The following XYLT1 variants were observed in gnomAD, a reference collection of about 807,000 sequenced individuals.
The protein encoded by XYLT1 is beta-D-xylosyltransferase 1.
Under a neutral mutation model 91.3 loss-of-function variants are expected in XYLT1, and 36 were observed. The observed-to-expected ratio is 0.39, with a 90% CI of 0.30 to 0.52. The LOEUF is 0.52. Ranked by LOEUF, XYLT1 falls within the 20% of genes least tolerant of loss-of-function variation. XYLT1 has a pLI of 0.68. For missense variants in XYLT1, 1,242 were observed against 1,284.5 expected, an observed-to-expected ratio of 0.97 and a Z score of 0.51; for synonymous variants, 588 against 532.0, an observed-to-expected ratio of 1.11 and a Z score of -1.45.
intron 5 of XYLT1, among the ~76,000 whole-genome samples, chr16:17,185,557 C>T (rs572290193): frequency 6.4e-4 from 98 of 152,196 alleles, no homozygotes; most frequent in Admixed American, 2.0e-3. Flanking sequence ...TGCTTTCCCA[C>T]GAAGTACTGA....
At chr16:17,308,562 G>A (rs1247752427) in intron 2 of XYLT1, among the ~76,000 whole-genome samples, 3 of 152,098 alleles carry the variant, frequency 2.0e-5, no homozygotes, top group East Asian at 3.9e-4. Flanking sequence ...GTTCAAAGAC[G>A]GAAACTGTAT....
At chr16:17,211,051 G>T (rs1335694033) in intron 3 of XYLT1, among the ~76,000 whole-genome samples, 1 of 152,134 alleles carries the variant, frequency 6.6e-6, no homozygotes. Context: ...TCCACTTATG[G>T]CCATGATGCA....
chr16:17,419,995 C>T (rs2036231734), intron 1 of XYLT1, among the ~76,000 whole-genome samples: 1 of 152,192 alleles, frequency 6.6e-6, no homozygotes, highest in Admixed American at 6.5e-5. Flanking sequence ...GAGTAATCCA[C>T]TCATTACTGT....
At chr16:17,263,296 G>A (rs2033750709) in intron 2 of XYLT1, among the ~76,000 whole-genome samples, 1 of 152,080 alleles carries the variant, frequency 6.6e-6, no homozygotes, top group Non-Finnish European at 1.5e-5. Flanking sequence ...CACGGCCAAT[G>A]AAGCTAATCT....
At chr16:17,399,463 C>T (rs2035935648) in intron 1 of XYLT1, among the ~76,000 whole-genome samples, 1 of 152,178 alleles carries the variant, frequency 6.6e-6, no homozygotes, top group South Asian at 2.1e-4. Flanking sequence ...CTGTGGAAAA[C>T]AGAAAACTCA....
At chr16:17,244,418 T>C (rs1161956255) in intron 3 of XYLT1, among the ~76,000 whole-genome samples, 1 of 152,220 alleles carries the variant, frequency 6.6e-6, no homozygotes, top group African/African-American at 2.4e-5. Flanking sequence ...GAATGCAGGA[T>C]GGAAGATGAG....
intron 1 of XYLT1, among the ~76,000 whole-genome samples, chr16:17,367,137 G>C (rs892874805): frequency 1.3e-5 from 2 of 152,204 alleles, no homozygotes; most frequent in Non-Finnish European, 2.9e-5. Context: ...CCAGAGCCCG[G>C]CTCAGTCCTG....
At chr16:17,216,459 C>G (rs1000174554) in intron 3 of XYLT1, among the ~76,000 whole-genome samples, 1 of 152,180 alleles carries the variant, frequency 6.6e-6, no homozygotes, top group Admixed American at 6.5e-5. Flanking sequence ...ATTAACGCTG[C>G]CTCCTGATCA....
chr16:17,152,470 T>G (rs550497388), intron 6 of XYLT1, among the ~76,000 whole-genome samples: 1 of 152,386 alleles, frequency 6.6e-6, no homozygotes, highest in East Asian at 1.9e-4. Flanking sequence ...ATGATCTCCT[T>G]GCATCAGTCA....
intron 2 of XYLT1, among the ~76,000 whole-genome samples, chr16:17,294,087 G>A (rs2034273750): frequency 6.6e-6 from 1 of 152,304 alleles, no homozygotes; most frequent in South Asian, 2.1e-4. Flanking sequence ...TGCCCTGGGC[G>A]ACTGTGCTGA....
chr16:17,464,829 A>C (rs895108339), intron 1 of XYLT1, among the ~76,000 whole-genome samples: 1 of 152,082 alleles, frequency 6.6e-6, no homozygotes, highest in Non-Finnish European at 1.5e-5. Context: ...AGGAATCTGC[A>C]ACAAGAAGTG....
At position 17,257,863 on chromosome 16, in the gene XYLT1, C is replaced by T. The variant is rs759122490; in HGVS notation, c.913+1125G>A. Among the ~76,000 whole-genome samples the T allele has an allele frequency of 4.6e-5, 7 of 152,298 alleles. No homozygotes were observed. The South Asian group carries it at 1.5e-3, about 32-fold the overall frequency. On this transcript the variant is annotated intron_variant, in intron 3 of 11. Coordinates refer to ENST00000261381, the MANE Select transcript of XYLT1 (RefSeq NM_022166.4). ...GCCTGGTGCGGTGTCTAGCACACAGCGAAGCCTCAGCAGCCCCCTGTGGCT... is the reference window on the plus strand; with the variant it reads ...GCCTGGTGCGGTGTCTAGCACACAGTGAAGCCTCAGCAGCCCCCTGTGGCT...
intron 1 of XYLT1, among the ~76,000 whole-genome samples, chr16:17,451,615 A>G: frequency 6.6e-6 from 1 of 152,146 alleles, no homozygotes; most frequent in East Asian, 1.9e-4. Flanking sequence ...CTCATAGAAA[A>G]CTTCTACTAT....
At chr16:17,463,745 C>T (rs928235606) in intron 1 of XYLT1, among the ~76,000 whole-genome samples, 2 of 152,198 alleles carry the variant, frequency 1.3e-5, no homozygotes, top group African/African-American at 4.8e-5. Flanking sequence ...ATTAATTATC[C>T]AAAGGAAAGG....
intron 1 of XYLT1, among the ~76,000 whole-genome samples, chr16:17,412,949 T>C (rs1261153634): frequency 1.3e-5 from 2 of 152,236 alleles, no homozygotes; most frequent in Non-Finnish European, 2.9e-5. Context: ...CTGCTGAGCC[T>C]CTGACTTCTG....
chr16:17,337,270 C>T (rs912050233), intron 2 of XYLT1, among the ~76,000 whole-genome samples: 2 of 152,022 alleles, frequency 1.3e-5, no homozygotes, highest in East Asian at 3.9e-4. Context: ...TCATTGTAGC[C>T]TCCACCTCCT....
At chr16:17,173,102 A>C (rs759592216) in intron 5 of XYLT1, among the ~76,000 whole-genome samples, 2 of 152,248 alleles carry the variant, frequency 1.3e-5, no homozygotes, top group African/African-American at 4.8e-5. Flanking sequence ...CTGATCACAT[A>C]AACTCTGCCG....
intron 1 of XYLT1, among the ~76,000 whole-genome samples, chr16:17,433,598 G>T (rs2036417090): frequency 6.6e-6 from 1 of 152,176 alleles, no homozygotes; most frequent in African/African-American, 2.4e-5. Context: ...ACTTGGGATG[G>T]CCCACAAGTG....
intron 1 of XYLT1, among the ~76,000 whole-genome samples, chr16:17,396,726 C>T (rs1487972862): frequency 2.0e-5 from 3 of 152,084 alleles, no homozygotes; most frequent in Non-Finnish European, 4.4e-5. Flanking sequence ...AAAAAATTAG[C>T]CGGGCGTGGT....
Sources: allele counts gnomAD v4.1 joint callset (sites outside exome capture counted in the v4.1 genomes callset), GRCh38; gene constraint gnomAD v4.1.1; transcripts MANE v1.5; gene names NCBI Gene and HGNC (gene_info 2026-07-23, HGNC 2026-07-21).